ALS2CL: variants seen among roughly 807,000 people sequenced by gnomAD.
The protein encoded by ALS2CL is ALS2 C-terminal-like protein.
In ALS2CL, 112 loss-of-function variants were observed where a neutral mutation model predicts 127.9. That is an observed-to-expected ratio of 0.88 (90% confidence interval 0.75 to 1.02). The LOEUF is 1.02. ALS2CL is among the 50% of genes least tolerant of loss of function. The probability of loss-of-function intolerance (pLI) is 0.00; values close to 1 mark genes in which losing one functional copy is unlikely to be tolerated. For synonymous variants in ALS2CL, 519 were observed against 527.6 expected, an observed-to-expected ratio of 0.98 and a Z score of 0.22; for missense variants, 1,174 against 1,236.7, an observed-to-expected ratio of 0.95 and a Z score of 0.76.
At chr3:46,678,070 C>T (rs1015204488) in intron 16 of ALS2CL, among the ~76,000 whole-genome samples, 189 bp downstream of exon 16, 4 of 151,686 alleles carry the variant, frequency 2.6e-5, no homozygotes, top group African/African-American at 4.9e-5. Context: ...TGTGGTGTAC[C>T]GCATTATATC....
intron 2 of ALS2CL, 128 bp from the exon 3 acceptor site, chr3:46,688,424 C>G: frequency 1.1e-6 from 1 of 887,294 alleles, no homozygotes; most frequent in Non-Finnish European, 1.7e-6. Flanking sequence ...GCAGCAGGGT[C>G]TGCATCCCTG....
chr3:46,672,031 G>A lies in ALS2CL; in HGVS notation c.2537C>T (p.Thr846Ile), dbSNP rs749122253. 1.2e-6 allele frequency: 2 copies of A among 1,613,772 alleles called. No homozygotes were observed. The highest frequency in any genetic ancestry group is 3.3e-5 in the Admixed American group (2 of 59,996). The change falls in exon 24 of 26, where the codon ACC becomes ATC. Residue 846 changes from threonine to isoleucine, a missense_variant and splice_region_variant. By Grantham distance (89) the Thr-to-Ile change is moderately conservative. Transcript: ENST00000318962. Reference sequence around the variant, plus strand: ...CAGCTTCTCCCGTGGGTCCACCGTGGTCCTGCAGCAGGGTAGCTGGCTCCA... The same window carrying A: ...CAGCTTCTCCCGTGGGTCCACCGTGATCCTGCAGCAGGGTAGCTGGCTCCA... ...SATECLQKIMTTVDPREKLEV... is the reference protein window; with the variant it reads ...SATECLQKIMITVDPREKLEV...
At chr3:46,673,408 G>T (rs1698567037) in intron 21 of ALS2CL, 27 bp from the exon 22 acceptor site, 1 of 1,554,394 alleles carries the variant, frequency 6.4e-7, no homozygotes. Flanking sequence ...GAGACAGGAG[G>T]CTCTGCCTCG....
intron 15 of ALS2CL, among the ~76,000 whole-genome samples, chr3:46,678,639 G>A (rs1699069131): frequency 6.6e-6 from 1 of 152,182 alleles, no homozygotes; most frequent in Non-Finnish European, 1.5e-5. Context: ...GGAGAGAGAT[G>A]CAGAAGGGAC....
Position 46,686,502 on chromosome 3 carries a change from T to C in ALS2CL, c.535-63A>G. 1.3e-6 allele frequency: 2 copies of C among 1,552,654 alleles called. No individual in the cohort carries two copies. Among genetic ancestry groups the C allele is most frequent in the Non-Finnish European group, 1.7e-6 (2 of 1,147,488 alleles). On this transcript the variant is annotated intron_variant, in intron 5 of 25. Transcript: ENST00000318962. The surrounding 1 kb of genome is among the most constrained non-coding windows in gnomAD (Gnocchi z 4.3). ...ACTGGAATCTTCCCTAGCCCAGTCCTGGTCCCGGCTGGTGGGGAGGCCTGA... is the reference window on the plus strand; with the variant it reads ...ACTGGAATCTTCCCTAGCCCAGTCCCGGTCCCGGCTGGTGGGGAGGCCTGA...
rs1699347797 is a variant in ALS2CL, at chr3:46,681,559, C to T, written c.1215G>A (p.Lys405=). 5 of 1,614,116 alleles carry T rather than the reference C, an allele frequency of 3.1e-6. No individual in the cohort carries two copies. The highest frequency in any genetic ancestry group is 4.2e-6 in the Non-Finnish European group (5 of 1,180,000). Residue 405 remains lysine, a synonymous_variant, in exon 12 of 26, where the codon AAG becomes AAA. Transcript: ENST00000318962. The surrounding 1 kb of genome is among the most constrained non-coding windows in gnomAD (Gnocchi z 4.9). Reference sequence around the variant, plus strand: ...GCCAGTGACACTTGTAACAGTCGAACTTGTCCTCAGAGGCCTGGGGCAGCA... The same window carrying T: ...GCCAGTGACACTTGTAACAGTCGAATTTGTCCTCAGAGGCCTGGGGCAGCA... ...IRLLPQASED[K]FDCYKCHWRE...
In ALS2CL at chr3:46,685,522, A is replaced by T; in HGVS notation, c.786+3T>A. The T allele has an allele frequency of 1.2e-6, 2 of 1,613,318 alleles. No individual in the cohort carries two copies. The highest frequency in any genetic ancestry group is 1.7e-6 in the Non-Finnish European group (2 of 1,179,444). ...CAAGACCTTGGGTCAGCCCCACCCC[A>T]ACCTGCAGCAGGACGAGGGCATCAT... On this transcript the variant is annotated splice_donor_region_variant and intron_variant, in intron 7 of 25. Coordinates refer to ENST00000318962, the MANE Select transcript of ALS2CL (RefSeq NM_147129.5).
At chr3:46,680,584 C>A in intron 13 of ALS2CL, 43 bp from the exon 14 acceptor site, 1 of 1,573,862 alleles carries the variant, frequency 6.4e-7, no homozygotes, top group South Asian at 1.1e-5. Context: ...CAGACTCATT[C>A]CCATGTACCT....
Position 46,681,382 on chromosome 3 carries a change from C to A in ALS2CL, c.1300G>T (p.Gly434Cys). 2 of 1,606,948 alleles carry A rather than the reference C, an allele frequency of 1.2e-6. No individual in the cohort carries two copies. The highest frequency in any genetic ancestry group is 1.7e-6 in the Non-Finnish European group (2 of 1,174,482). ...CEYSTDEVYK[G>C]YFQEGLRHGF... ...TGCCGCAGGCCCTCCTGGAAGTAGC[C>A]CTTGTACACCTCGTCGGTGCTGTAC... is the stretch of plus-strand genomic sequence containing the variant. Residue 434 changes from glycine to cysteine, a missense_variant, in exon 13 of 26, where the codon GGC becomes TGC. Transcript: ENST00000318962. The surrounding 1 kb of genome is among the most constrained non-coding windows in gnomAD (Gnocchi z 4.9).
In ALS2CL at chr3:46,686,274, C is replaced by T. The variant is rs545746188; in HGVS notation, c.666+34G>A. ...ACATCTCCATGCCCAATGTGGAACC[C>T]CCTCCCTAACTGCCCCTCAGGCCCC... On this transcript the variant is annotated intron_variant, in intron 6 of 25. Coordinates refer to ENST00000318962, the MANE Select transcript of ALS2CL (RefSeq NM_147129.5). The surrounding 1 kb of genome is among the most constrained non-coding windows in gnomAD (Gnocchi z 4.3). 83 of 1,577,952 alleles carry T rather than the reference C, an allele frequency of 5.3e-5. No individual in the cohort carries two copies. The highest frequency in any genetic ancestry group is 1.7e-4 in the Middle Eastern group (1 of 5,770).
chr3:46,686,122 G>A lies in ALS2CL; in HGVS notation c.666+186C>T, dbSNP rs954367375. 4.6e-5 allele frequency among the ~76,000 whole-genome samples: 7 copies of A among 152,184 alleles called. No individual in the cohort carries two copies. Among genetic ancestry groups the A allele is most frequent in the African/African-American group, 7.2e-5 (3 of 41,444 alleles). On this transcript the variant is annotated intron_variant, in intron 6 of 25. Transcript: ENST00000318962. The surrounding 1 kb of genome is among the most constrained non-coding windows in gnomAD (Gnocchi z 4.3). ...GCCGGGTCAGGGCCTGGCCCAGGACGTGCTCAGCAGACAGATAAGAATGGC... is the reference window on the plus strand; with the variant it reads ...GCCGGGTCAGGGCCTGGCCCAGGACATGCTCAGCAGACAGATAAGAATGGC...
rs752570654 is a variant in ALS2CL at position 46,676,886 on chromosome 3, C to T, written c.1894G>A (p.Glu632Lys). The part of the protein sequence containing the change: ...LLGFDVQSSR[E>K]LRRSQDYLSC... Reference sequence around the variant, plus strand: ...AGGTAATCCTGAGACCTACGCAGCTCCCTGGAGCTCTGCACGTCGAAGCCC... The same window carrying T: ...AGGTAATCCTGAGACCTACGCAGCTTCCTGGAGCTCTGCACGTCGAAGCCC... Residue 632 changes from glutamate to lysine, a missense_variant, in exon 17 of 26, where the codon GAG (glutamate) becomes AAG (lysine). By Grantham distance (56) the Glu-to-Lys change is moderately conservative. Transcript: ENST00000318962. The T allele has an allele frequency of 3.7e-6, 6 of 1,613,356 alleles. No homozygotes were observed. Among genetic ancestry groups the T allele is most frequent in the Non-Finnish European group, 4.2e-6 (5 of 1,179,884 alleles).
chr3:46,685,965 T>C (rs1699737980), intron 6 of ALS2CL, among the ~76,000 whole-genome samples: 1 of 152,060 alleles, frequency 6.6e-6, no homozygotes, highest in African/African-American at 2.4e-5. Flanking sequence ...CCACACCAGG[T>C]CCAAACCTCA....
chr3:46,674,437 C>T (rs1244831852), intron 21 of ALS2CL, 129 bp downstream of exon 21: 8 of 1,239,542 alleles, frequency 6.5e-6, no homozygotes, highest in Non-Finnish European at 7.9e-6. Context: ...TCCAGCCACA[C>T]CTGAATGCAT....
Position 46,674,702 on chromosome 3 carries a change from G to T in ALS2CL, c.2293C>A (p.Leu765Met). ...AAGAGCTCTGAGTAGAAGCTGGGCA[G>T]CATGAGGGGCAGCACCAATCCATGC... is the stretch of plus-strand genomic sequence containing the variant. ...QVHGLVLPLM[L>M]PSFYSELFTL... is the part of the protein sequence containing the mutation. The change falls in exon 21 of 26, where the codon CTG becomes ATG. Residue 765 changes from leucine (L) to methionine (M), a missense_variant. Physicochemically the swap from Leu to Met is conservative, Grantham distance 15. Coordinates refer to ENST00000318962, the MANE Select transcript of ALS2CL (RefSeq NM_147129.5). 6.2e-7 allele frequency: 1 copy of T among 1,613,864 alleles called. No homozygotes were observed. The highest frequency in any genetic ancestry group is 1.7e-5 in the Admixed American group (1 of 59,984).
In ALS2CL at chr3:46,681,618, G is replaced by T. The variant is rs747073742; in HGVS notation, c.1176-20C>A. 19 of 1,613,364 alleles carry T rather than the reference G, an allele frequency of 1.2e-5. No individual in the cohort carries two copies. The Admixed American group carries it at 3.0e-4, about 25-fold the overall frequency. On this transcript the variant is annotated intron_variant, in intron 11 of 25. Transcript: ENST00000318962. The surrounding 1 kb of genome is among the most constrained non-coding windows in gnomAD (Gnocchi z 4.9). ...CCGAAGCTGACAGCATGGTTGTGGGGGTGGGGATCAGCCCTGACCTGAGAC... is the reference window on the plus strand; with the variant it reads ...CCGAAGCTGACAGCATGGTTGTGGGTGTGGGGATCAGCCCTGACCTGAGAC...
At chr3:46,685,760 C>A (rs1414885055) in intron 6 of ALS2CL, 116 bp from the exon 7 acceptor site, 2 of 1,406,556 alleles carry the variant, frequency 1.4e-6, no homozygotes, top group Non-Finnish European at 1.9e-6. Context: ...CTCCAGTAGA[C>A]CTGGAGCGGA....
At chr3:46,683,700 C>G in intron 9 of ALS2CL, 82 bp downstream of exon 9, 1 of 1,530,662 alleles carries the variant, frequency 6.5e-7, no homozygotes, top group South Asian at 1.1e-5. Flanking sequence ...CCTGTGGGGC[C>G]CTGCAGGGTT....
At chr3:46,676,159 C>T in intron 19 of ALS2CL, 86 bp downstream of exon 19, 1 of 1,526,718 alleles carries the variant, frequency 6.5e-7, no homozygotes, top group East Asian at 2.3e-5. Flanking sequence ...CTTGGCATTC[C>T]TCCCAAATGC....
Sources: allele counts gnomAD v4.1 joint callset (sites outside exome capture counted in the v4.1 genomes callset), GRCh38; gene constraint gnomAD v4.1.1; non-coding constraint Gnocchi (gnomAD v3.1); transcripts MANE v1.5; gene names NCBI Gene and HGNC (gene_info 2026-07-23, HGNC 2026-07-21).